Variants in RORA observed in about 807,000 individuals in gnomAD.
RORA encodes RAR related orphan receptor A, also known as nuclear receptor ROR-alpha.
RORA carries 7 observed loss-of-function variants against 69.5 expected under a neutral mutation model. The ratio of observed to expected loss-of-function variants is 0.10; its 90% CI spans 0.06 to 0.19. The LOEUF (loss-of-function observed/expected upper bound fraction) is 0.19. Among genes scored for constraint, RORA ranks in the 10% least tolerant of loss-of-function variants. The probability of loss-of-function intolerance (pLI) is 1.00; values close to 1 mark genes in which losing one functional copy is unlikely to be tolerated. For missense variants in RORA, 457 were observed against 663.0 expected (o/e 0.69, Z 3.41); for synonymous variants, 261 against 240.8 (o/e 1.08, Z -0.78).
At chr15:60,850,378 T>C (rs747037770) in intron 1 of RORA, among the ~76,000 whole-genome samples, 151 of 152,260 alleles carry the variant, frequency 9.9e-4, no homozygotes, top group Admixed American at 2.4e-3. Flanking sequence ...ATTAAGGTAG[T>C]GTTTAAGATG....
intron 1 of RORA, among the ~76,000 whole-genome samples, chr15:61,144,231 C>T (rs77609623): frequency 0.042 from 6,463 of 152,278 alleles, 193 homozygotes; most frequent in Middle Eastern, 0.082. Context: ...TGTTCAGAGA[C>T]GTTAGGCAGT....
chr15:61,008,483 C>G (rs1894991665), intron 1 of RORA, among the ~76,000 whole-genome samples: 1 of 152,022 alleles, frequency 6.6e-6, no homozygotes, highest in Non-Finnish European at 1.5e-5. Context: ...CAGGTCAGCC[C>G]TGAGGAAGAG....
rs958964492 is a variant in RORA at position 60,929,063 on chromosome 15, G to C, written c.167-250377C>G. ...CCTCCTTTGTTCTTTTCTTTGAGCT[G>C]GGTCCATTGGAGGAGCATTGTATGG... On this transcript the variant is annotated intron_variant, in intron 1 of 10. Transcript: ENST00000335670. Among the ~76,000 whole-genome samples the C allele has an allele frequency of 5.9e-5, 9 of 152,166 alleles. No homozygotes were observed. In the South Asian group the frequency reaches 1.0e-3, roughly 18 times the overall value.
rs777475795 is a variant in RORA at position 60,905,757 on chromosome 15, G to A, written c.167-227071C>T. Among the ~76,000 whole-genome samples, 59 of 152,174 alleles carry A rather than the reference G, an allele frequency of 3.9e-4. No individual in the cohort carries two copies. Among genetic ancestry groups the A allele is most frequent in the Non-Finnish European group, 6.3e-4 (43 of 68,026 alleles). On this transcript the variant is annotated intron_variant, in intron 1 of 10. Coordinates refer to ENST00000335670, the MANE Select transcript of RORA (RefSeq NM_134261.3). The surrounding 1 kb of genome is among the most constrained non-coding windows in gnomAD (Gnocchi z 4.8). ...AAGTAGGGTCACCTGTGCTGAGCAG[G>A]TTAGAGCCGGCCTGGTTCTTGGGGC...
intron 1 of RORA, among the ~76,000 whole-genome samples, chr15:60,772,906 G>A (rs2140882955): frequency 6.6e-6 from 1 of 152,328 alleles, no homozygotes; most frequent in South Asian, 2.1e-4. Context: ...ATTAAGCCCT[G>A]GATTAGCATG....
intron 1 of RORA, among the ~76,000 whole-genome samples, chr15:61,201,416 A>G (rs1000034774): frequency 6.6e-6 from 1 of 152,214 alleles, no homozygotes; most frequent in African/African-American, 2.4e-5. Flanking sequence ...AAGCAACACA[A>G]TCATGCTCTA....
intron 1 of RORA, among the ~76,000 whole-genome samples, chr15:60,795,181 C>A (rs2072476611): frequency 6.6e-6 from 1 of 152,076 alleles, no homozygotes; most frequent in Non-Finnish European, 1.5e-5. Context: ...TCTGAAGAAC[C>A]AACCTGAAGT....
intron 1 of RORA, among the ~76,000 whole-genome samples, chr15:61,119,433 CACACACAAATATATATAT>C (rs777057084): frequency 1.7e-4 from 26 of 150,774 alleles, no homozygotes; most frequent in Non-Finnish European, 3.4e-4. Flanking sequence ...TATATATACA[CACACACAAATATATATAT>C]ACACACAAAT....
At chr15:60,643,869 A>G (rs959736171) in intron 2 of RORA, among the ~76,000 whole-genome samples, 3 of 152,222 alleles carry the variant, frequency 2.0e-5, no homozygotes, top group Admixed American at 6.5e-5. Flanking sequence ...AGAATGGGAA[A>G]AAATAAATAA....
chr15:60,629,515 G>A (rs925663794), intron 2 of RORA, among the ~76,000 whole-genome samples: 1 of 152,184 alleles, frequency 6.6e-6, no homozygotes, highest in African/African-American at 2.4e-5. Context: ...AAATTGTCTT[G>A]CTGTATCAAT....
intron 1 of RORA, among the ~76,000 whole-genome samples, chr15:61,051,856 C>T (rs1447155264): frequency 6.6e-6 from 1 of 152,228 alleles, no homozygotes; most frequent in Admixed American, 6.5e-5. Flanking sequence ...AGCAGTCCAA[C>T]TCTGCAGCAC....
chr15:60,568,350 G>A (rs1261539127), intron 2 of RORA, among the ~76,000 whole-genome samples: 1 of 152,190 alleles, frequency 6.6e-6, no homozygotes, highest in Non-Finnish European at 1.5e-5. Flanking sequence ...TCTCCTACCT[G>A]GGAGAAACTT....
intron 1 of RORA, among the ~76,000 whole-genome samples, chr15:60,939,982 A>G (rs1892643243): frequency 6.6e-6 from 1 of 152,240 alleles, no homozygotes; most frequent in African/African-American, 2.4e-5. Context: ...GGTAAATTAC[A>G]TTACAGAACA....
intron 1 of RORA, among the ~76,000 whole-genome samples, chr15:60,876,310 G>GT (rs200042845): frequency 2.8e-5 from 1 of 35,602 alleles, no homozygotes; most frequent in African/African-American, 1.0e-4. Context: ...CTTACAGGAA[G>GT]TGGGGGGGGG....
At chr15:61,034,473 A>G (rs1336409869) in intron 1 of RORA, among the ~76,000 whole-genome samples, 1 of 152,110 alleles carries the variant, frequency 6.6e-6, no homozygotes, top group African/African-American at 2.4e-5. Context: ...GTTCATTGTT[A>G]TTCCCTGTTA....
chr15:60,988,479 T>G (rs546752405), intron 1 of RORA, among the ~76,000 whole-genome samples: 128 of 152,362 alleles, frequency 8.4e-4, no homozygotes, highest in South Asian at 2.7e-3. Flanking sequence ...TGGGGATTTT[T>G]GCTCATCTGT....
At chr15:60,623,586 T>G (rs1338715053) in intron 2 of RORA, among the ~76,000 whole-genome samples, 2 of 152,068 alleles carry the variant, frequency 1.3e-5, no homozygotes, top group African/African-American at 4.8e-5. Flanking sequence ...AGCTAGTCAA[T>G]GGTGGAATTG....
chr15:60,777,697 G>A (rs1262133610), intron 1 of RORA, among the ~76,000 whole-genome samples: 1 of 152,148 alleles, frequency 6.6e-6, no homozygotes, highest in Non-Finnish European at 1.5e-5. Context: ...AAGAGGTGAA[G>A]TCGAAAGAGT....
At chr15:60,698,366 T>C (rs1371296956) in intron 1 of RORA, among the ~76,000 whole-genome samples, 2 of 152,232 alleles carry the variant, frequency 1.3e-5, no homozygotes, top group African/African-American at 4.8e-5. Context: ...CTCCCTAGCC[T>C]GCCCCTCGTT....
Sources: allele counts gnomAD v4.1 joint callset (sites outside exome capture counted in the v4.1 genomes callset), GRCh38; gene constraint gnomAD v4.1.1; non-coding constraint Gnocchi (gnomAD v3.1); transcripts MANE v1.5; gene names NCBI Gene and HGNC (gene_info 2026-07-23, HGNC 2026-07-21).